Variants in PPP2R2C observed in about 807,000 individuals in gnomAD.
The protein encoded by PPP2R2C is protein phosphatase 2, regulatory subunit B, gamma.
In PPP2R2C, 10 loss-of-function variants were observed where a neutral mutation model predicts 45.3. The observed-to-expected ratio is 0.22, with a 90% CI of 0.14 to 0.37. The LOEUF (loss-of-function observed/expected upper bound fraction) is 0.37. PPP2R2C is among the 10% of genes least tolerant of loss of function. The pLI is 1.00. For synonymous variants in PPP2R2C, 257 were observed against 245.4 expected (o/e 1.05, Z -0.44); for missense variants, 308 against 619.7 (o/e 0.50, Z 5.34).
chr4:6,423,919 G>C (rs770578962), intron 1 of PPP2R2C, among the ~76,000 whole-genome samples: 1 of 152,236 alleles, frequency 6.6e-6, no homozygotes, highest in Non-Finnish European at 1.5e-5. Context: ...TAGGGTTAGG[G>C]TTAGGGTTAG....
intron 1 of PPP2R2C, among the ~76,000 whole-genome samples, chr4:6,426,644 AAC>A (rs1454479979): frequency 2.0e-5 from 3 of 152,188 alleles, no homozygotes; most frequent in African/African-American, 7.2e-5. Context: ...AGTGTTCAGA[AAC>A]ACACTCAGTG....
chr4:6,499,197 G>A (rs1445387778), intron 2 of PPP2R2C, among the ~76,000 whole-genome samples: 1 of 152,168 alleles, frequency 6.6e-6, no homozygotes, highest in African/African-American at 2.4e-5. Context: ...TGGGTGTGTT[G>A]AGTGACTAAA....
Position 6,331,866 on chromosome 4 carries a change from G to A in PPP2R2C, c.960+1696C>T, listed in dbSNP as rs181731606. ...AAATAGCCCCGATTTGTTAAGCACC[G>A]CACACCAGCCGAACGCAGTCCTGCT... On this transcript the variant is annotated intron_variant, in intron 7 of 8. Transcript: ENST00000382599. This position sits in a 1 kb window ranked among gnomAD's most constrained non-coding sequence, Gnocchi z 5.9. Among the ~76,000 whole-genome samples, 9 of 152,274 alleles carry A rather than the reference G, an allele frequency of 5.9e-5. No homozygotes were observed. In the South Asian group the frequency reaches 8.3e-4, roughly 14 times the overall value.
intron 1 of PPP2R2C, among the ~76,000 whole-genome samples, chr4:6,389,326 T>A (rs2109329198): frequency 6.6e-6 from 1 of 152,296 alleles, no homozygotes; most frequent in Non-Finnish European, 1.5e-5. Flanking sequence ...CCCTCGTCCA[T>A]CACCATAAGT....
intron 2 of PPP2R2C, among the ~76,000 whole-genome samples, chr4:6,532,619 C>G (rs765929368): frequency 6.6e-6 from 1 of 152,186 alleles, no homozygotes; most frequent in East Asian, 1.9e-4. Flanking sequence ...AGACACTTCC[C>G]AGAAGCATTA....
intron 1 of PPP2R2C, among the ~76,000 whole-genome samples, chr4:6,414,790 T>C (rs1718459285): frequency 1.3e-5 from 2 of 152,126 alleles, no homozygotes; most frequent in Admixed American, 1.3e-4. Context: ...CCTTCCTGGC[T>C]GTGCAACCTC....
intron 1 of PPP2R2C, among the ~76,000 whole-genome samples, chr4:6,555,024 C>T (rs952391098): frequency 6.6e-6 from 1 of 151,290 alleles, no homozygotes; most frequent in South Asian, 2.1e-4. Flanking sequence ...AGAAATTGCT[C>T]ACAATTCTGG....
At chr4:6,344,831 C>T (rs1368580094) in intron 6 of PPP2R2C, among the ~76,000 whole-genome samples, 2 of 152,256 alleles carry the variant, frequency 1.3e-5, no homozygotes, top group East Asian at 3.9e-4. Flanking sequence ...AAAAATTCTT[C>T]TAAAACAATA....
intron 5 of PPP2R2C, chr4:6,349,086 T>C: frequency 5.1e-6 from 5 of 985,386 alleles, no homozygotes; most frequent in Non-Finnish European, 6.0e-6. Context: ...TCTTGGAGCA[T>C]GCAAGGACTG....
At chr4:6,371,005 G>A (rs1364137893) in intron 5 of PPP2R2C, among the ~76,000 whole-genome samples, 1 of 152,220 alleles carries the variant, frequency 6.6e-6, no homozygotes, top group African/African-American at 2.4e-5. Context: ...GACAAGAGAA[G>A]GGAGAGAGAT....
upstream of PPP2R2C, among the ~76,000 whole-genome samples, chr4:6,472,907 G>T (rs1258071500): frequency 6.6e-6 from 1 of 152,074 alleles, no homozygotes; most frequent in South Asian, 2.1e-4. Context: ...CTGGGAAGGG[G>T]GCAGGAGGAG....
In PPP2R2C at chr4:6,330,295, TTTCAACTCCCAGGAGTTGA is replaced by T. The variant is rs1732304491; in HGVS notation, c.961-961_961-943del. The stretch of plus-strand genomic sequence containing the variant: ...GGTAACTGGGTGCCATGGAGCCTGG[TTTCAACTCCCAGGAGTTGA>T]AATTAACAACTCCAACGAACACAGA... On this transcript the variant is annotated intron_variant, in intron 7 of 8. Transcript: ENST00000382599. This position sits in a 1 kb window ranked among gnomAD's most constrained non-coding sequence, Gnocchi z 7.0. Among the ~76,000 whole-genome samples the T allele has an allele frequency of 6.6e-6, 1 of 152,094 alleles. No homozygotes were observed. The highest frequency in any genetic ancestry group is 2.1e-4 in the South Asian group (1 of 4,826).
At chr4:6,515,975 T>C (rs1237869214) in intron 2 of PPP2R2C, among the ~76,000 whole-genome samples, 1 of 152,218 alleles carries the variant, frequency 6.6e-6, no homozygotes. Context: ...GTGTGTGTCA[T>C]TGTGTCTCCT....
At chr4:6,414,560 G>T (rs1382701844) in intron 1 of PPP2R2C, among the ~76,000 whole-genome samples, 1 of 152,048 alleles carries the variant, frequency 6.6e-6, no homozygotes, top group Non-Finnish European at 1.5e-5. Context: ...AGTTGACACA[G>T]ACAGCCAGTA....
chr4:6,445,783 G>A (rs1346242540), intron 1 of PPP2R2C, among the ~76,000 whole-genome samples: 2 of 151,354 alleles, frequency 1.3e-5, no homozygotes, highest in South Asian at 2.1e-4. Context: ...TGACCCAAGA[G>A]GTGCTTTCTA....
At chr4:6,382,456 A>C in intron 1 of PPP2R2C, 1 of 1,351,938 alleles carries the variant, frequency 7.4e-7, no homozygotes, top group Non-Finnish European at 9.8e-7. Context: ...GTGATGACCA[A>C]ACTCCTGAGC....
At chr4:6,349,286 T>G in intron 5 of PPP2R2C, 2 of 985,368 alleles carry the variant, frequency 2.0e-6, no homozygotes, top group Non-Finnish European at 2.4e-6. Flanking sequence ...GTCTGGGGTT[T>G]GAATCCCAGC....
rs367885836 is a variant in PPP2R2C at position 6,391,472 on chromosome 4, C to T, written c.71-10378G>A. Among the ~76,000 whole-genome samples, 5 of 152,370 alleles carry T rather than the reference C, an allele frequency of 3.3e-5. No homozygotes were observed. The South Asian group carries it at 1.0e-3, about 32-fold the overall frequency. The stretch of plus-strand genomic sequence containing the variant: ...TGGACTTAATATCACCTCCCCTGAG[C>T]TTGGTTTATAAAAAGAAAAGCACAC... On this transcript the variant is annotated intron_variant, in intron 1 of 8. Coordinates refer to ENST00000382599, the MANE Select transcript of PPP2R2C (RefSeq NM_020416.4).
chr4:6,342,167 AAGTT>A (rs544151023), intron 6 of PPP2R2C, among the ~76,000 whole-genome samples: 25 of 151,626 alleles, frequency 1.6e-4, no homozygotes, highest in Non-Finnish European at 2.9e-4. Flanking sequence ...AGAAAAGAAA[AAGTT>A]AGGTATGTCA....
Sources: gnomAD v4.1 joint callset for allele counts (sites outside exome capture counted in the v4.1 genomes callset) on GRCh38, gnomAD v4.1.1 for gene constraint, Gnocchi (gnomAD v3.1) non-coding constraint, MANE v1.5 for transcripts, NCBI Gene and HGNC (gene_info 2026-07-23, HGNC 2026-07-21) for gene names.